NELL2: variants seen among roughly 807,000 people sequenced by gnomAD.
NELL2 encodes the protein neural EGFL like 2.
NELL2 carries 41 observed loss-of-function variants against 109.6 expected under a neutral mutation model. That is an observed-to-expected ratio of 0.37 (90% CI 0.29 to 0.49). NELL2 has a LOEUF of 0.49. Ranked by LOEUF, NELL2 falls within the 20% of genes least tolerant of loss-of-function variation. The probability of loss-of-function intolerance (pLI) is 0.98; values close to 1 mark genes in which losing one functional copy is unlikely to be tolerated. For missense variants in NELL2, 900 were observed against 1,008.3 expected, an observed-to-expected ratio of 0.89 and a Z score of 1.45; for synonymous variants, 355 against 344.7, an observed-to-expected ratio of 1.03 and a Z score of -0.33.
intron 3 of NELL2, among the ~76,000 whole-genome samples, chr12:44,794,800 C>T (rs1469969682): frequency 1.3e-5 from 2 of 152,044 alleles, no homozygotes; most frequent in African/African-American, 4.8e-5. Flanking sequence ...TTTTTATTAT[C>T]CTTTATTTTC....
intron 9 of NELL2, among the ~76,000 whole-genome samples, chr12:44,743,494 G>C (rs1361629741): frequency 1.8e-5 from 2 of 113,622 alleles, no homozygotes; most frequent in African/African-American, 7.0e-5. Context: ...CCAATTAAAA[G>C]ACACAGACTA....
At chr12:44,797,403 A>T (rs1274490418) in intron 3 of NELL2, among the ~76,000 whole-genome samples, 1 of 152,194 alleles carries the variant, frequency 6.6e-6, no homozygotes, top group Middle Eastern at 3.4e-3. Context: ...CACATAGCAG[A>T]TGTGCAAAAA....
At chr12:44,570,671 T>C (rs141727501) in intron 15 of NELL2, among the ~76,000 whole-genome samples, 1 of 152,312 alleles carries the variant, frequency 6.6e-6, no homozygotes, top group East Asian at 1.9e-4. Context: ...CAAAGACTTA[T>C]ATCCTGATTT....
chr12:44,529,066 T>A (rs1941932182), intron 16 of NELL2, among the ~76,000 whole-genome samples: 2 of 152,044 alleles, frequency 1.3e-5, no homozygotes, highest in Admixed American at 1.3e-4. Context: ...CTAACTTCAG[T>A]TCTAGAAGAA....
chr12:44,667,682 T>G (rs1439454025), intron 12 of NELL2, among the ~76,000 whole-genome samples: 2 of 152,164 alleles, frequency 1.3e-5, no homozygotes, highest in Non-Finnish European at 2.9e-5. Flanking sequence ...AAATTGAGTT[T>G]CTAACAGATA....
chr12:44,535,199 A>G (rs1437140677), intron 15 of NELL2, among the ~76,000 whole-genome samples: 1 of 152,048 alleles, frequency 6.6e-6, no homozygotes, highest in Non-Finnish European at 1.5e-5. Flanking sequence ...ACTTTGTAAT[A>G]GGATTATAGA....
intron 13 of NELL2, among the ~76,000 whole-genome samples, chr12:44,615,804 A>C (rs1338514043): frequency 1.3e-5 from 2 of 152,126 alleles, no homozygotes. Flanking sequence ...GAATTATAGC[A>C]CTTCTTAAGG....
chr12:44,587,271 C>CAAAAAAAAAAAAAA (rs1194091069), intron 15 of NELL2, among the ~76,000 whole-genome samples: 18 of 28,106 alleles, frequency 6.4e-4, no homozygotes, highest in African/African-American at 1.2e-3. Context: ...GACTCCGTCT[C>CAAAAAAAAAAAAAA]AAAAAAAAAA....
At chr12:44,641,621 C>T (rs577115748) in intron 13 of NELL2, among the ~76,000 whole-genome samples, 9 of 150,496 alleles carry the variant, frequency 6.0e-5, no homozygotes, top group South Asian at 4.2e-4. Flanking sequence ...TTTTGGCATC[C>T]GAAAACCTAG....
chr12:44,575,651 T>C (rs1292299719), intron 15 of NELL2, among the ~76,000 whole-genome samples: 1 of 152,228 alleles, frequency 6.6e-6, no homozygotes, highest in Non-Finnish European at 1.5e-5. Context: ...ACCACTATTT[T>C]CTAGGCATGC....
chr12:44,679,896 T>A (rs1299579146), intron 12 of NELL2, among the ~76,000 whole-genome samples: 4 of 152,138 alleles, frequency 2.6e-5, no homozygotes, highest in African/African-American at 7.2e-5. Flanking sequence ...TGTCTCTACT[T>A]CTGCACTTTT....
chr12:44,529,029 C>T (rs1302383704), intron 16 of NELL2, among the ~76,000 whole-genome samples: 1 of 151,994 alleles, frequency 6.6e-6, no homozygotes, highest in African/African-American at 2.4e-5. Flanking sequence ...AGAGGCTCCA[C>T]GAGTGTGAAC....
intron 15 of NELL2, among the ~76,000 whole-genome samples, chr12:44,578,406 T>G (rs1351094931): frequency 1.4e-5 from 2 of 143,512 alleles, no homozygotes; most frequent in Admixed American, 1.4e-4. Context: ...GAAAAGAAAT[T>G]GAAAGTAAAG....
chr12:44,685,906 T>C (rs994270726), intron 12 of NELL2, among the ~76,000 whole-genome samples: 1 of 152,306 alleles, frequency 6.6e-6, no homozygotes, highest in Middle Eastern at 3.4e-3. Context: ...GGTGTTGCTC[T>C]TCTCGAGAAG....
Position 44,618,839 on chromosome 12 carries a change from A to C in NELL2, c.1445-7869T>G, listed in dbSNP as rs981598660. Among the ~76,000 whole-genome samples the C allele has an allele frequency of 3.9e-5, 6 of 152,350 alleles. No homozygotes were observed. In the East Asian group the frequency reaches 1.2e-3, roughly 29 times the overall value. ...AAGTGCTTACTACAGACTGCAAAGCACTGTGCTAAGTGTTTTATATGCATT... is the reference window on the plus strand; with the variant it reads ...AAGTGCTTACTACAGACTGCAAAGCCCTGTGCTAAGTGTTTTATATGCATT... On this transcript the variant is annotated intron_variant, in intron 13 of 19. Transcript: ENST00000429094.
intron 2 of NELL2, among the ~76,000 whole-genome samples, chr12:44,834,793 A>T (rs1438609863): frequency 6.6e-6 from 1 of 152,098 alleles, no homozygotes; most frequent in Non-Finnish European, 1.5e-5. Context: ...CCCTGGCTAG[A>T]CCCAGTCAGG....
At chr12:44,600,678 A>G (rs1229625377) in intron 15 of NELL2, among the ~76,000 whole-genome samples, 1 of 152,226 alleles carries the variant, frequency 6.6e-6, no homozygotes. Context: ...ACTTTTACAA[A>G]TTAAAAGTCT....
chr12:44,857,032 A>G (rs1228230867), intron 2 of NELL2, among the ~76,000 whole-genome samples: 2 of 152,194 alleles, frequency 1.3e-5, no homozygotes, highest in Non-Finnish European at 2.9e-5. Context: ...AAATTATAAT[A>G]CAGTGTGGTG....
At chr12:44,607,066 G>A (rs1460519400) in intron 15 of NELL2, 103 bp downstream of exon 15, 1 of 953,872 alleles carries the variant, frequency 1.0e-6, no homozygotes, top group Non-Finnish European at 1.5e-6. Flanking sequence ...ATAGCTCCAT[G>A]CTTTGAGAGC....
Sources: allele counts gnomAD v4.1 joint callset (sites outside exome capture counted in the v4.1 genomes callset), GRCh38; gene constraint gnomAD v4.1.1; transcripts MANE v1.5; gene names NCBI Gene and HGNC (gene_info 2026-07-23, HGNC 2026-07-21).